The following IPCEF1 variants were observed in gnomAD, a reference collection of about 807,000 sequenced individuals.
IPCEF1 encodes the protein interaction protein for cytohesin exchange factors 1.
In IPCEF1, 31 loss-of-function variants were observed where a neutral mutation model predicts 50.9. That is an observed-to-expected ratio of 0.61 (90% CI 0.46 to 0.82). IPCEF1 has a LOEUF of 0.82. Among genes scored for constraint, IPCEF1 ranks in the 40% least tolerant of loss-of-function variants. IPCEF1 has a pLI of 0.00. For synonymous variants in IPCEF1, 181 were observed against 192.0 expected (o/e 0.94, Z 0.47); for missense variants, 458 against 514.0 (o/e 0.89, Z 1.05).
At chr6:154,226,030 T>C (rs1421108359) in intron 5 of IPCEF1, among the ~76,000 whole-genome samples, 1 of 152,216 alleles carries the variant, frequency 6.6e-6, no homozygotes, top group Non-Finnish European at 1.5e-5. Flanking sequence ...ACATTACTGC[T>C]GCTCCCCTTT....
chr6:154,196,279 T>C (rs574450111), intron 10 of IPCEF1, among the ~76,000 whole-genome samples: 42 of 152,334 alleles, frequency 2.8e-4, no homozygotes, highest in Non-Finnish European at 4.9e-4. Context: ...TCAAAGTAGC[T>C]AGCTAAAGTA....
chr6:154,280,970 C>G (rs533467720), intron 2 of IPCEF1, among the ~76,000 whole-genome samples: 1 of 151,826 alleles, frequency 6.6e-6, no homozygotes, highest in African/African-American at 2.4e-5. Flanking sequence ...GAGGCCAGAG[C>G]GGAATGATTG....
At chr6:154,267,461 T>C (rs1007977245) in intron 2 of IPCEF1, among the ~76,000 whole-genome samples, 1 of 152,196 alleles carries the variant, frequency 6.6e-6, no homozygotes, top group African/African-American at 2.4e-5. Context: ...TATTCTCACA[T>C]ATTGGGATAT....
rs763583140 is a variant in IPCEF1 at position 154,212,834 on chromosome 6, T to C, written c.473A>G (p.Gln158Arg). The C allele has an allele frequency of 3.7e-6, 6 of 1,612,908 alleles. No homozygotes were observed. Among genetic ancestry groups the C allele is most frequent in the Non-Finnish European group, 5.1e-6 (6 of 1,178,948 alleles). Reference protein sequence around the residue: ...KDEECYSESEQEDPEIAAETP... With the variant: ...KDEECYSESEREDPEIAAETP... ...CTCCGCAGCTATTTCTGGATCTTCC[T>C]GTTCACTTTCACTGTAACATTCTAT... The change falls in exon 9 of 12, where the codon CAG (glutamine) becomes CGG (arginine). Residue 158 changes from glutamine (Q) to arginine (R), a missense_variant. Transcript: ENST00000367220.
intron 2 of IPCEF1, among the ~76,000 whole-genome samples, chr6:154,287,187 CTT>C (rs1205314172): frequency 2.7e-5 from 4 of 146,582 alleles, no homozygotes; most frequent in Admixed American, 6.8e-5. Context: ...CTCTCTCTCT[CTT>C]GCTCTGCTAT....
At chr6:154,272,177 T>C (rs976229465) in intron 2 of IPCEF1, among the ~76,000 whole-genome samples, 1 of 152,220 alleles carries the variant, frequency 6.6e-6, no homozygotes, top group Admixed American at 6.5e-5. Context: ...AGATATCATA[T>C]GGGAAGCACA....
chr6:154,290,272 C>A (rs1055604115), intron 1 of IPCEF1, among the ~76,000 whole-genome samples: 1 of 152,184 alleles, frequency 6.6e-6, no homozygotes, highest in African/African-American at 2.4e-5. Context: ...TCAGCAAACA[C>A]ACTGAGCATG....
chr6:154,282,599 A>T (rs539786647), intron 2 of IPCEF1, among the ~76,000 whole-genome samples: 20 of 152,184 alleles, frequency 1.3e-4, no homozygotes, highest in Non-Finnish European at 2.8e-4. Flanking sequence ...AGGCAGGAGA[A>T]TGGCATAAAC....
chr6:154,315,196 A>C (rs960327236), intron 1 of IPCEF1, among the ~76,000 whole-genome samples: 17 of 152,124 alleles, frequency 1.1e-4, no homozygotes, highest in African/African-American at 3.4e-4. Flanking sequence ...TAGTGTGATT[A>C]CTTGATTAAC....
At chr6:154,268,793 T>C (rs1781823074) in intron 2 of IPCEF1, among the ~76,000 whole-genome samples, 2 of 151,988 alleles carry the variant, frequency 1.3e-5, no homozygotes, top group African/African-American at 4.8e-5. Context: ...TTTATTTCCA[T>C]TTCAGAGCCT....
Position 154,212,620 on chromosome 6 carries a change from G to T in IPCEF1, c.537+150C>A, listed in dbSNP as rs780114180. On this transcript the variant is annotated intron_variant, in intron 9 of 11. Transcript: ENST00000367220. ...TTGCTATGGAGAAGGCTCAAAATCAGCACCCTGAAAATTGCACTTGCTCGT... is the reference window on the plus strand; with the variant it reads ...TTGCTATGGAGAAGGCTCAAAATCATCACCCTGAAAATTGCACTTGCTCGT... 8 of 609,772 alleles carry T rather than the reference G, an allele frequency of 1.3e-5. No individual in the cohort carries two copies. The highest frequency in any genetic ancestry group is 2.4e-5 in the Non-Finnish European group (8 of 338,414). 37.8% of individuals were successfully genotyped at this position (609,772 alleles called of 1,614,324 possible). A position where few individuals can be genotyped will look rare whatever the true frequency, so the allele number is the denominator to read the frequency against.
intron 1 of IPCEF1, among the ~76,000 whole-genome samples, chr6:154,312,403 G>C (rs946057671): frequency 2.0e-5 from 3 of 152,142 alleles, no homozygotes; most frequent in Non-Finnish European, 4.4e-5. Flanking sequence ...CTGGAGTGCA[G>C]TGTCACGATC....
At chr6:154,234,960 C>A (rs1583867949) in intron 5 of IPCEF1, among the ~76,000 whole-genome samples, 2 of 152,330 alleles carry the variant, frequency 1.3e-5, no homozygotes, top group South Asian at 2.1e-4. Context: ...CTTTCGGAAG[C>A]TTTAAAACCC....
chr6:154,341,392 C>T (rs1361954900), intron 1 of IPCEF1, among the ~76,000 whole-genome samples: 1 of 151,964 alleles, frequency 6.6e-6, no homozygotes, highest in African/African-American at 2.4e-5. Context: ...GGCTGAAAGC[C>T]CTTGGGGCTT....
In IPCEF1 at chr6:154,198,461, T is replaced by C. The variant is rs533317340; in HGVS notation, c.910+1207A>G. On this transcript the variant is annotated intron_variant, in intron 10 of 11. Coordinates refer to ENST00000367220, the MANE Select transcript of IPCEF1 (RefSeq NM_001130700.2). ...TTTACTCCAGTTCTTCTAATCTAGA[T>C]AGTTGGCCTAAATAAAGGGGAGAAG... is the stretch of plus-strand genomic sequence containing the variant. Among the ~76,000 whole-genome samples, 3 of 152,130 alleles carry C rather than the reference T, an allele frequency of 2.0e-5. No individual in the cohort carries two copies. In the South Asian group the frequency reaches 6.2e-4, roughly 31 times the overall value.
chr6:154,281,628 G>A (rs775225488), intron 2 of IPCEF1, among the ~76,000 whole-genome samples: 22 of 152,128 alleles, frequency 1.4e-4, no homozygotes, highest in Non-Finnish European at 2.5e-4. Context: ...TTGGGAGGAT[G>A]AGCCAGGTGA....
At chr6:154,327,111 C>A (rs945047544) in intron 1 of IPCEF1, among the ~76,000 whole-genome samples, 1 of 152,084 alleles carries the variant, frequency 6.6e-6, no homozygotes, top group East Asian at 1.9e-4. Flanking sequence ...CCATAAAAAC[C>A]CTAGAAGAAA....
At chr6:154,265,428 A>C (rs1781731434) in intron 3 of IPCEF1, among the ~76,000 whole-genome samples, 1 of 151,268 alleles carries the variant, frequency 6.6e-6, no homozygotes, top group Admixed American at 6.6e-5. Context: ...TTACAGGCGC[A>C]CACCACCATA....
At chr6:154,192,665 G>T (rs917856674) in intron 10 of IPCEF1, among the ~76,000 whole-genome samples, 4 of 147,292 alleles carry the variant, frequency 2.7e-5, no homozygotes, top group African/African-American at 1.0e-4. Flanking sequence ...AAATTAGGAA[G>T]AAAAAAAAAT....
Sources: allele counts gnomAD v4.1 joint callset (sites outside exome capture counted in the v4.1 genomes callset), GRCh38; gene constraint gnomAD v4.1.1; transcripts MANE v1.5; gene names NCBI Gene and HGNC (gene_info 2026-07-23, HGNC 2026-07-21).